EVI5: variants seen among roughly 807,000 people sequenced by gnomAD.
The protein encoded by EVI5 is ecotropic viral integration site 5.
EVI5 carries 73 observed loss-of-function variants against 112.0 expected under a neutral mutation model. The ratio of observed to expected loss-of-function variants is 0.65; its 90% CI spans 0.54 to 0.79. EVI5 has a LOEUF of 0.79. Ranked by LOEUF, EVI5 falls within the 30% of genes least tolerant of loss-of-function variation. EVI5 has a pLI of 0.00. For missense variants in EVI5, 900 were observed against 968.8 expected (o/e 0.93, Z 0.94); for synonymous variants, 305 against 319.9 (o/e 0.95, Z 0.50).
chr1:92,520,715 G>A (rs1401774446), intron 19 of EVI5, among the ~76,000 whole-genome samples: 2 of 151,888 alleles, frequency 1.3e-5, no homozygotes, highest in Non-Finnish European at 2.9e-5. Context: ...GCTGGGCGTG[G>A]TGGCGTGTAC....
At chr1:92,559,634 C>A (rs1482166677) in intron 19 of EVI5, among the ~76,000 whole-genome samples, 1 of 151,844 alleles carries the variant, frequency 6.6e-6, no homozygotes, top group Non-Finnish European at 1.5e-5. Context: ...ATTAGCCAGG[C>A]ATGGTGGTGT....
intron 14 of EVI5, among the ~76,000 whole-genome samples, chr1:92,628,263 C>T (rs1378463928): frequency 6.6e-6 from 1 of 152,114 alleles, no homozygotes; most frequent in East Asian, 1.9e-4. Flanking sequence ...AGATTTTCTC[C>T]CACTCTGTGG....
intron 1 of EVI5, among the ~76,000 whole-genome samples, chr1:92,746,431 A>T (rs547578609): frequency 6.6e-6 from 1 of 152,346 alleles, no homozygotes; most frequent in African/African-American, 2.4e-5. Context: ...AATAACTTTT[A>T]AAGTACTGTA....
intron 1 of EVI5, among the ~76,000 whole-genome samples, chr1:92,752,893 T>C (rs986090747): frequency 2.6e-5 from 4 of 152,132 alleles, no homozygotes; most frequent in African/African-American, 9.7e-5. Flanking sequence ...AAGAACACTT[T>C]ATTGGGTGCT....
chr1:92,599,770 G>A (rs771921587), intron 18 of EVI5, among the ~76,000 whole-genome samples: 14 of 152,160 alleles, frequency 9.2e-5, no homozygotes, highest in Non-Finnish European at 1.6e-4. Flanking sequence ...TGTGATAGGT[G>A]CAGGAATAGG....
At chr1:92,525,390 T>C (rs559715368) in intron 19 of EVI5, among the ~76,000 whole-genome samples, 1 of 148,232 alleles carries the variant, frequency 6.7e-6, no homozygotes, top group South Asian at 2.3e-4. Flanking sequence ...CTGCTCAGCC[T>C]CCCGAGTAGC....
intron 19 of EVI5, among the ~76,000 whole-genome samples, chr1:92,527,414 C>CAAA (rs763348201): frequency 2.2e-4 from 4 of 18,596 alleles, no homozygotes; most frequent in African/African-American, 6.4e-4. Flanking sequence ...GACACTGTCT[C>CAAA]AAAAAAAAAA....
chr1:92,700,626 A>G (rs1403524050), intron 5 of EVI5, among the ~76,000 whole-genome samples: 2 of 152,156 alleles, frequency 1.3e-5, no homozygotes, highest in Non-Finnish European at 2.9e-5. Flanking sequence ...TGATTCCTAG[A>G]GGATTCACAG....
At chr1:92,621,125 T>C (rs889966734) in intron 16 of EVI5, among the ~76,000 whole-genome samples, 13 of 151,406 alleles carry the variant, frequency 8.6e-5, no homozygotes, top group Non-Finnish European at 4.4e-5. Context: ...AATGTGAAGA[T>C]AAAAATGGAA....
chr1:92,516,126 C>T (rs1032553229), intron 19 of EVI5, among the ~76,000 whole-genome samples: 1 of 152,188 alleles, frequency 6.6e-6, no homozygotes, highest in African/African-American at 2.4e-5. Flanking sequence ...CGCAATATTG[C>T]AACACACAAT....
chr1:92,602,292 A>G (rs961465127), intron 18 of EVI5, among the ~76,000 whole-genome samples: 1 of 152,236 alleles, frequency 6.6e-6, no homozygotes, highest in Admixed American at 6.5e-5. Context: ...TTTGAAAGAC[A>G]TAAGATTTTA....
intron 1 of EVI5, among the ~76,000 whole-genome samples, chr1:92,745,448 A>G (rs1022169121): frequency 1.3e-5 from 2 of 152,150 alleles, no homozygotes; most frequent in African/African-American, 4.8e-5. Flanking sequence ...CCACAGTGCT[A>G]TATGTGCCAT....
chr1:92,586,324 T>C (rs1265672363), intron 18 of EVI5, among the ~76,000 whole-genome samples: 1 of 152,316 alleles, frequency 6.6e-6, no homozygotes, highest in East Asian at 1.9e-4. Flanking sequence ...GTGGAGTATC[T>C]ACAAAAATTA....
intron 1 of EVI5, among the ~76,000 whole-genome samples, chr1:92,759,910 T>C (rs530777037): frequency 7.0e-6 from 1 of 143,358 alleles, no homozygotes; most frequent in African/African-American, 2.5e-5. Context: ...TGAGGAACAT[T>C]TGGGTTATTT....
chr1:92,528,483 C>T (rs1662299017), intron 19 of EVI5, among the ~76,000 whole-genome samples: 3 of 152,130 alleles, frequency 2.0e-5, no homozygotes, highest in South Asian at 4.1e-4. Flanking sequence ...GAAGTAAATA[C>T]ATTACACCAA....
At chr1:92,525,848 T>C (rs891847708) in intron 19 of EVI5, among the ~76,000 whole-genome samples, 1 of 152,206 alleles carries the variant, frequency 6.6e-6, no homozygotes, top group Non-Finnish European at 1.5e-5. Context: ...TCCCATTTTA[T>C]TTATTTTTAC....
chr1:92,791,167 A>C (rs1686066558), intron 1 of EVI5, among the ~76,000 whole-genome samples: 1 of 152,230 alleles, frequency 6.6e-6, no homozygotes, highest in Non-Finnish European at 1.5e-5. Flanking sequence ...AAATTCATTC[A>C]TTTCTTGACT....
chr1:92,609,173 A>G (rs991037645), intron 16 of EVI5, among the ~76,000 whole-genome samples: 1 of 152,240 alleles, frequency 6.6e-6, no homozygotes, highest in African/African-American at 2.4e-5. Context: ...AGGGACTTTC[A>G]TAACAGAAAG....
At chr1:92,661,155 T>G (rs1663936589) in intron 13 of EVI5, among the ~76,000 whole-genome samples, 1 of 151,852 alleles carries the variant, frequency 6.6e-6, no homozygotes, top group Non-Finnish European at 1.5e-5. Context: ...CAGTAGGGAG[T>G]GGTGGCGGTG....
Sources: gnomAD v4.1 joint callset for allele counts (sites outside exome capture counted in the v4.1 genomes callset) on GRCh38, gnomAD v4.1.1 for gene constraint, MANE v1.5 for transcripts, NCBI Gene and HGNC (gene_info 2026-07-23, HGNC 2026-07-21) for gene names.